CELF1: variants seen among roughly 807,000 people sequenced by gnomAD.
CELF1 encodes 50 kDa nuclear polyadenylated RNA-binding protein.
CELF1 carries 10 observed loss-of-function variants against 61.8 expected under a neutral mutation model. The observed-to-expected ratio is 0.16, with a 90% CI of 0.10 to 0.27. The LOEUF (loss-of-function observed/expected upper bound fraction) is 0.27. CELF1 is among the 10% of genes least tolerant of loss of function. CELF1 has a pLI of 1.00. For missense variants in CELF1, 380 were observed against 639.1 expected, an observed-to-expected ratio of 0.59 and a Z score of 4.37; for synonymous variants, 236 against 225.1, an observed-to-expected ratio of 1.05 and a Z score of -0.43.
At chr11:47,490,346 TTC>T (rs2090764800) in intron 3 of CELF1, among the ~76,000 whole-genome samples, 1 of 152,144 alleles carries the variant, frequency 6.6e-6, no homozygotes, top group African/African-American at 2.4e-5. Context: ...CTATTAGCTT[TTC>T]TGTTAGTATC....
chr11:47,528,057 T>C (rs941525355), intron 1 of CELF1, among the ~76,000 whole-genome samples: 14 of 151,992 alleles, frequency 9.2e-5, no homozygotes, highest in Admixed American at 5.2e-4. Flanking sequence ...GATCACACCA[T>C]TGCACTCTGG....
intron 3 of CELF1, chr11:47,494,403 CAA>C: frequency 1.0e-6 from 1 of 984,368 alleles, no homozygotes; most frequent in Non-Finnish European, 1.2e-6. Flanking sequence ...AAATTCAGGA[CAA>C]GAGGTTACTT....
intron 6 of CELF1, among the ~76,000 whole-genome samples, chr11:47,485,613 GCT>G (rs985915892): frequency 2.8e-5 from 4 of 142,610 alleles, no homozygotes; most frequent in African/African-American, 7.8e-5. Flanking sequence ...ACAGAGTCTT[GCT>G]CTGTCACCCA....
At chr11:47,483,961 C>G (rs934156792) in intron 7 of CELF1, among the ~76,000 whole-genome samples, 1 of 152,140 alleles carries the variant, frequency 6.6e-6, no homozygotes, top group Admixed American at 6.5e-5. Context: ...CAGCAGGAAG[C>G]AGCAGGCCCA....
intron 9 of CELF1, among the ~76,000 whole-genome samples, chr11:47,480,937 A>T (rs978946175): frequency 6.6e-6 from 1 of 151,750 alleles, no homozygotes; most frequent in African/African-American, 2.4e-5. Flanking sequence ...TTGCAGTTGG[A>T]GGTTGCAGTG....
At chr11:47,479,005 C>T in intron 9 of CELF1, 53 bp from the exon 10 acceptor site, 1 of 1,438,274 alleles carries the variant, frequency 7.0e-7, no homozygotes, top group South Asian at 1.2e-5. Flanking sequence ...GCTGGTTCTG[C>T]ATCTGGGATA....
intron 1 of CELF1, among the ~76,000 whole-genome samples, chr11:47,545,854 TGTGTGTGTGTGTCTGC>T (rs1278736054): frequency 1.7e-3 from 207 of 124,646 alleles, no homozygotes; most frequent in African/African-American, 5.1e-3. Flanking sequence ...TGTATACGTG[TGTGTGTGTGTGTCTGC>T]GTGTGTGTGT....
chr11:47,542,738 T>C (rs1293851913), intron 1 of CELF1, among the ~76,000 whole-genome samples: 3 of 150,910 alleles, frequency 2.0e-5, no homozygotes, highest in East Asian at 1.9e-4. Context: ...CCTCACGTGA[T>C]CCGCGTGTCT....
chr11:47,535,535 G>A (rs982407209), intron 1 of CELF1, among the ~76,000 whole-genome samples: 6 of 151,492 alleles, frequency 4.0e-5, no homozygotes, highest in South Asian at 4.2e-4. Flanking sequence ...AAAATTAGCC[G>A]GGCATGGTGG....
chr11:47,477,422 A>C lies in CELF1; in HGVS notation c.848T>G (p.Leu283Trp). Reference protein sequence around the residue: ...TLSSLHPMGGLNAMQLQNLAA... With the variant: ...TLSSLHPMGGWNAMQLQNLAA... ...CAAATTCTGTAACTGCATTGCATTC[A>C]ACCCTACAACATCCAAAGCAAGAGA... Residue 283 changes from leucine to tryptophan, a missense_variant, in exon 11 of 15, where the codon TTG (leucine) becomes TGG (tryptophan). Leu to Trp is a moderately conservative substitution (Grantham distance 61). Coordinates refer to ENST00000687097, the MANE Select transcript of CELF1 (RefSeq NM_001376376.1). 1 of 1,613,596 alleles carries C rather than the reference A, an allele frequency of 6.2e-7. No homozygotes were observed.
intron 3 of CELF1, among the ~76,000 whole-genome samples, chr11:47,490,033 G>A (rs2090567249): frequency 7.0e-6 from 1 of 142,636 alleles, no homozygotes; most frequent in South Asian, 2.2e-4. Context: ...CCACTTCCCA[G>A]GTTCAAGAGA....
rs186238077 is a variant in CELF1 at position 47,478,072 on chromosome 11, T to C, written c.845-647A>G. Among the ~76,000 whole-genome samples the C allele has an allele frequency of 4.6e-3, 688 of 150,220 alleles. 2 individuals are homozygous for C. Among genetic ancestry groups the C allele is most frequent in the Middle Eastern group, 6.8e-3 (2 of 292 alleles). Reference sequence around the variant, plus strand: ...AACCATTTACTAGACAATGGAAAGATGGATGGGGTGAGGGGTGGGGGGAGT... The same window carrying C: ...AACCATTTACTAGACAATGGAAAGACGGATGGGGTGAGGGGTGGGGGGAGT... On this transcript the variant is annotated intron_variant, in intron 10 of 14. Transcript: ENST00000687097.
At chr11:47,495,100 A>G (rs1478802932) in intron 3 of CELF1, among the ~76,000 whole-genome samples, 1 of 152,222 alleles carries the variant, frequency 6.6e-6, no homozygotes, top group Non-Finnish European at 1.5e-5. Flanking sequence ...TGACAGCACT[A>G]CTTTACAGAA....
intron 13 of CELF1, 54 bp from the exon 14 acceptor site, chr11:47,473,285 C>A: frequency 6.5e-7 from 1 of 1,533,390 alleles, no homozygotes; most frequent in Non-Finnish European, 8.9e-7. Flanking sequence ...GCTCGTCGCC[C>A]TGCACCAGTG....
intron 6 of CELF1, among the ~76,000 whole-genome samples, chr11:47,484,970 G>A (rs1313622823): frequency 2.0e-5 from 3 of 152,138 alleles, no homozygotes; most frequent in Non-Finnish European, 4.4e-5. Context: ...GACCCACCAC[G>A]CCCGGCTTCA....
chr11:47,494,435 TG>T, intron 3 of CELF1: 1 of 982,702 alleles, frequency 1.0e-6, no homozygotes, highest in Non-Finnish European at 1.2e-6. Flanking sequence ...TGATTTCTGC[TG>T]AAACATACTA....
intron 1 of CELF1, among the ~76,000 whole-genome samples, chr11:47,509,544 A>G (rs989446773): frequency 1.3e-5 from 2 of 152,106 alleles, no homozygotes; most frequent in Admixed American, 1.3e-4. Flanking sequence ...ACACAGTGAG[A>G]CCTTGTCTCC....
chr11:47,475,376 C>A lies in CELF1; in HGVS notation c.1233G>T (p.Leu411=). 1.2e-6 allele frequency: 2 copies of A among 1,614,010 alleles called. No homozygotes were observed. The highest frequency in any genetic ancestry group is 1.1e-5 in the South Asian group (1 of 91,048). Residue 411 remains leucine, a synonymous_variant, in exon 13 of 15, where the codon CTG becomes CTT. Coordinates refer to ENST00000687097, the MANE Select transcript of CELF1 (RefSeq NM_001376376.1). ...ALPTLYNQNL[L]TQQSIGAAGS... is the part of the protein sequence containing the mutation. ...CAGCAGCACCAATACTCTGCTGTGTCAGAAGATTCTGGTTGTACAGAGTGG... is the reference window on the plus strand; with the variant it reads ...CAGCAGCACCAATACTCTGCTGTGTAAGAAGATTCTGGTTGTACAGAGTGG...
At chr11:47,521,815 C>T (rs1465166845) in intron 1 of CELF1, among the ~76,000 whole-genome samples, 1 of 152,166 alleles carries the variant, frequency 6.6e-6, no homozygotes, top group Admixed American at 6.5e-5. Context: ...CTGTACAACG[C>T]TCAATGGTTA....
Sources: allele counts gnomAD v4.1 joint callset (sites outside exome capture counted in the v4.1 genomes callset), GRCh38; gene constraint gnomAD v4.1.1; transcripts MANE v1.5; gene names NCBI Gene and HGNC (gene_info 2026-07-23, HGNC 2026-07-21).